GABRB1: variants seen among roughly 807,000 people sequenced by gnomAD.
GABRB1 encodes gamma-aminobutyric acid receptor subunit beta-1.
GABRB1 carries 17 observed loss-of-function variants against 51.6 expected under a neutral mutation model. The observed-to-expected ratio is 0.33, with a 90% CI of 0.23 to 0.49. GABRB1 has a LOEUF of 0.49. GABRB1 is among the 20% of genes least tolerant of loss of function. The pLI is 0.99. For synonymous variants in GABRB1, 247 were observed against 218.9 expected (o/e 1.13, Z -1.14); for missense variants, 410 against 600.6 (o/e 0.68, Z 3.32).
intron 3 of GABRB1, among the ~76,000 whole-genome samples, chr4:47,079,453 G>C (rs188377277): frequency 8.5e-5 from 13 of 152,082 alleles, no homozygotes; most frequent in Admixed American, 7.9e-4. Flanking sequence ...GGGATTGGTG[G>C]TGATATCCCC....
chr4:47,079,868 G>C (rs1449586865), intron 3 of GABRB1, among the ~76,000 whole-genome samples: 1 of 106,484 alleles, frequency 9.4e-6, no homozygotes, highest in Non-Finnish European at 1.8e-5. Flanking sequence ...GGAGGGGGGA[G>C]GGATAGCATT....
At chr4:47,384,687 T>C (rs79996739) in intron 5 of GABRB1, among the ~76,000 whole-genome samples, 18,150 of 152,220 alleles carry the variant, frequency 0.12, 1,207 homozygotes, top group Middle Eastern at 0.26. Flanking sequence ...AAAGTAGTAG[T>C]ACATTTAAGT....
chr4:47,235,650 C>T (rs1721306915), intron 4 of GABRB1, among the ~76,000 whole-genome samples: 1 of 151,700 alleles, frequency 6.6e-6, no homozygotes, highest in Non-Finnish European at 1.5e-5. Flanking sequence ...ATATCAGAAA[C>T]CTGAAGATAA....
intron 4 of GABRB1, among the ~76,000 whole-genome samples, chr4:47,166,635 G>A (rs143736738): frequency 1.7e-4 from 26 of 152,064 alleles, no homozygotes; most frequent in Non-Finnish European, 3.7e-4. Context: ...TACATTGTGA[G>A]AGAGTCCATA....
intron 4 of GABRB1, among the ~76,000 whole-genome samples, chr4:47,312,686 A>G (rs1484135441): frequency 1.3e-5 from 2 of 152,166 alleles, no homozygotes; most frequent in African/African-American, 2.4e-5. Flanking sequence ...AGATTCTATT[A>G]AACTGTACAA....
intron 5 of GABRB1, among the ~76,000 whole-genome samples, chr4:47,345,099 C>A (rs1726042032): frequency 6.6e-6 from 1 of 152,186 alleles, no homozygotes; most frequent in African/African-American, 2.4e-5. Flanking sequence ...CTATTAAAAT[C>A]TATGTCTAAT....
intron 5 of GABRB1, among the ~76,000 whole-genome samples, chr4:47,381,932 C>A (rs879907539): frequency 6.6e-6 from 1 of 152,146 alleles, no homozygotes; most frequent in African/African-American, 2.4e-5. Context: ...TTGTCAGATG[C>A]GAATTTCCCC....
rs529001557 is a variant in GABRB1 at position 47,138,040 on chromosome 4, A to G, written c.241-23209A>G. On this transcript the variant is annotated intron_variant, in intron 3 of 8. Transcript: ENST00000295454. ...AAAAGTATTGAAAGCCTCCTGTAAC[A>G]TAGCAGTGTTTTGTTGATATGTATT... Among the ~76,000 whole-genome samples the G allele has an allele frequency of 2.0e-5, 3 of 152,234 alleles. No homozygotes were observed. In the South Asian group the frequency reaches 6.2e-4, roughly 32 times the overall value.
chr4:47,248,694 G>C (rs754129336), intron 4 of GABRB1, among the ~76,000 whole-genome samples: 28 of 151,910 alleles, frequency 1.8e-4, no homozygotes, highest in Admixed American at 1.2e-3. Flanking sequence ...GCTTGTTATT[G>C]GTCTGTTCAG....
chr4:47,424,546 A>G (rs1234187950), intron 8 of GABRB1, among the ~76,000 whole-genome samples: 2 of 152,026 alleles, frequency 1.3e-5, no homozygotes, highest in Non-Finnish European at 2.9e-5. Flanking sequence ...CTTCTTCACT[A>G]GGCTCTTTTG....
intron 3 of GABRB1, among the ~76,000 whole-genome samples, chr4:47,090,355 A>G (rs1728243404): frequency 6.6e-6 from 1 of 152,212 alleles, no homozygotes; most frequent in African/African-American, 2.4e-5. Flanking sequence ...GACATTTTAT[A>G]GGGTTGTGAA....
intron 3 of GABRB1, among the ~76,000 whole-genome samples, chr4:47,143,223 G>T (rs1400567344): frequency 6.6e-6 from 1 of 151,750 alleles, no homozygotes; most frequent in Non-Finnish European, 1.5e-5. Flanking sequence ...GAAGCTGAGG[G>T]TATCATCAAA....
chr4:47,116,053 T>C (rs1290886549), intron 3 of GABRB1, among the ~76,000 whole-genome samples: 1 of 152,238 alleles, frequency 6.6e-6, no homozygotes, highest in Non-Finnish European at 1.5e-5. Flanking sequence ...TTTTGTTTTG[T>C]TAATTTGAGA....
chr4:47,029,265 G>C (rs1725204840), upstream of GABRB1, among the ~76,000 whole-genome samples: 1 of 151,884 alleles, frequency 6.6e-6, no homozygotes, highest in Non-Finnish European at 1.5e-5. Context: ...GTGGTACAAA[G>C]TGTTTAGATC....
At chr4:47,014,860 TG>T (rs1250207712) in intron 1 of GABRB1, among the ~76,000 whole-genome samples, 1 of 152,010 alleles carries the variant, frequency 6.6e-6, no homozygotes, top group Non-Finnish European at 1.5e-5. Flanking sequence ...AGACATAAGA[TG>T]AAGTTTGGGA....
chr4:46,997,055 G>C (rs1724021591), intron 1 of GABRB1, among the ~76,000 whole-genome samples: 1 of 152,046 alleles, frequency 6.6e-6, no homozygotes, highest in Admixed American at 6.5e-5. Context: ...TTTTGCATAG[G>C]TGGGAAGAAT....
intron 1 of GABRB1, among the ~76,000 whole-genome samples, chr4:47,001,362 T>G (rs1462063917): frequency 6.6e-6 from 1 of 152,096 alleles, no homozygotes; most frequent in Non-Finnish European, 1.5e-5. Context: ...CAGGATGGTC[T>G]GAATCTCCTG....
intron 1 of GABRB1, among the ~76,000 whole-genome samples, chr4:47,017,827 A>C (rs1724794279): frequency 6.6e-6 from 1 of 152,160 alleles, no homozygotes; most frequent in Non-Finnish European, 1.5e-5. Context: ...CAGATTGTTA[A>C]GGAGAAGTTC....
At chr4:47,148,171 GAA>G (rs1370599771) in intron 3 of GABRB1, among the ~76,000 whole-genome samples, 1 of 151,956 alleles carries the variant, frequency 6.6e-6, no homozygotes, top group Non-Finnish European at 1.5e-5. Context: ...TGCCAGAAGA[GAA>G]AAAGAGTCAA....
Sources: allele counts gnomAD v4.1 joint callset (sites outside exome capture counted in the v4.1 genomes callset), GRCh38; gene constraint gnomAD v4.1.1; transcripts MANE v1.5; gene names NCBI Gene and HGNC (gene_info 2026-07-23, HGNC 2026-07-21).